NID2: variants seen among roughly 807,000 people sequenced by gnomAD.
NID2 encodes the protein nidogen 2.
NID2 carries 83 observed loss-of-function variants against 145.4 expected under a neutral mutation model. The observed-to-expected ratio is 0.57, with a 90% CI of 0.48 to 0.69. NID2 has a LOEUF of 0.69. NID2 is among the 30% of genes least tolerant of loss of function. The pLI, the probability that NID2 is intolerant of heterozygous loss-of-function variation, is 0.00. For missense variants in NID2, 1,807 were observed against 1,765.7 expected, an observed-to-expected ratio of 1.02 and a Z score of -0.42; for synonymous variants, 739 against 701.3, an observed-to-expected ratio of 1.05 and a Z score of -0.85.
intron 9 of NID2, among the ~76,000 whole-genome samples, chr14:52,031,014 C>A (rs1891846687): frequency 6.6e-6 from 1 of 152,168 alleles, no homozygotes; most frequent in South Asian, 2.1e-4. Context: ...GGCCAAATAA[C>A]CTGCCCAGGG....
At chr14:52,030,572 G>GA (rs1566755659) in intron 9 of NID2, among the ~76,000 whole-genome samples, 14 of 73,518 alleles carry the variant, frequency 1.9e-4, no homozygotes, top group African/African-American at 5.8e-4. Context: ...AAGAAAGGAA[G>GA]GAAGGGAAAG....
chr14:52,050,485 C>A (rs1402661378), intron 5 of NID2, among the ~76,000 whole-genome samples: 1 of 152,208 alleles, frequency 6.6e-6, no homozygotes, highest in Non-Finnish European at 1.5e-5. Flanking sequence ...TCTCTGTCAC[C>A]CTACAGCTTT....
Position 52,005,394 on chromosome 14 carries a change from T to A in NID2, c.*92A>T, listed in dbSNP as rs1890727505. The A allele has an allele frequency of 7.6e-7, 1 of 1,310,684 alleles. No homozygotes were observed. The allele number at this position is 1,310,684 out of a possible 1,614,324, so 81.2% of individuals were successfully genotyped here. On this transcript the variant is annotated 3_prime_UTR_variant, in exon 22 of 22. Coordinates refer to ENST00000216286, the MANE Select transcript of NID2 (RefSeq NM_007361.4). ...ATGCTCAGGAACGTCTAATGGCCAA[T>A]TCCTTTTTTACTTTCTTTGCCTTTG... is the stretch of plus-strand genomic sequence containing the variant.
At chr14:52,023,294 T>A (rs1303723459) in intron 12 of NID2, among the ~76,000 whole-genome samples, 1 of 151,618 alleles carries the variant, frequency 6.6e-6, no homozygotes, top group Non-Finnish European at 1.5e-5. Context: ...CTGGGCAACA[T>A]GATGAAACCC....
intron 9 of NID2, among the ~76,000 whole-genome samples, chr14:52,030,216 T>C (rs922595871): frequency 6.6e-6 from 1 of 152,202 alleles, no homozygotes; most frequent in African/African-American, 2.4e-5. Flanking sequence ...TTAAAAATCT[T>C]GTTTTTTAAA....
In NID2 at chr14:52,005,499, GT is replaced by G. The variant is rs1890736203; in HGVS notation, c.4118-4del. The G allele has an allele frequency of 2.5e-6, 4 of 1,598,576 alleles. No homozygotes were observed. Among genetic ancestry groups the G allele is most frequent in the African/African-American group, 2.7e-5 (2 of 74,038 alleles). ...ACATTACTGTACTTACTTTCTTCCT[GT>G]GAGAGAAGAGCAGGGGTGGGACAGG... On this transcript the variant is annotated splice_region_variant and splice_polypyrimidine_tract_variant and intron_variant, in intron 21 of 21. Transcript: ENST00000216286.
At chr14:52,061,729 C>T (rs951202836) in intron 2 of NID2, among the ~76,000 whole-genome samples, 1 of 152,152 alleles carries the variant, frequency 6.6e-6, no homozygotes, top group Non-Finnish European at 1.5e-5. Context: ...ATTCTGTTTA[C>T]CCTCATATTT....
At chr14:52,032,212 G>A (rs184637103) in intron 9 of NID2, among the ~76,000 whole-genome samples, 43 of 152,254 alleles carry the variant, frequency 2.8e-4, no homozygotes, top group Non-Finnish European at 4.3e-4. Context: ...GAATATTCCC[G>A]TATTATTGAT....
In NID2 at chr14:52,011,612, C is replaced by T. The variant is rs748304997; in HGVS notation, c.3492G>A (p.Arg1164=). 3.1e-6 allele frequency: 5 copies of T among 1,614,224 alleles called. No homozygotes were observed. The Admixed American group carries it at 6.7e-5, about 22-fold the overall frequency. ...GTTCCAGACCAGCACGGCTGATTGTCCGTCCAGCAACATCTGTCCAGTACA... is the reference window on the plus strand; with the variant it reads ...GTTCCAGACCAGCACGGCTGATTGTTCGTCCAGCAACATCTGTCCAGTACA... ...RMVYWTDVAG[R]TISRAGLELG... Residue 1164 remains arginine (R), a synonymous_variant, in exon 17 of 22, where the codon CGG becomes CGA. Transcript: ENST00000216286.
chr14:52,015,109 G>A lies in NID2; in HGVS notation c.3195C>T (p.Asp1065=), dbSNP rs1247416534. 1 of 1,614,114 alleles carries A rather than the reference G, an allele frequency of 6.2e-7. No homozygotes were observed. Among genetic ancestry groups the A allele is most frequent in the Admixed American group, 1.7e-5 (1 of 60,018 alleles). The change falls in exon 15 of 22, where the codon GAC becomes GAT. Residue 1065 remains aspartate, a synonymous_variant. Coordinates refer to ENST00000216286, the MANE Select transcript of NID2 (RefSeq NM_007361.4). The part of the protein sequence containing the change: ...HGKSDFCWCV[D]KDGREVQGTR... ...TGCCCTGCACCTCTCTGCCATCTTT[G>A]TCCACACACCAGCAGAAGTCGCTCT...
intron 9 of NID2, among the ~76,000 whole-genome samples, chr14:52,031,128 T>C (rs1891853784): frequency 6.6e-6 from 1 of 152,168 alleles, no homozygotes; most frequent in South Asian, 2.1e-4. Flanking sequence ...CTGAAGGAAC[T>C]TCATGAAGTT....
intron 5 of NID2, among the ~76,000 whole-genome samples, chr14:52,046,355 ATAT>A (rs1291484227): frequency 6.7e-6 from 1 of 149,402 alleles, no homozygotes; most frequent in Non-Finnish European, 1.5e-5. Context: ...CGTTTTCATA[ATAT>A]TCAGATAAAA....
chr14:52,063,364 T>C (rs1253914597), intron 2 of NID2, among the ~76,000 whole-genome samples: 1 of 152,026 alleles, frequency 6.6e-6, no homozygotes, highest in Non-Finnish European at 1.5e-5. Flanking sequence ...TCAGGGTGAG[T>C]GGCTGCAGGC....
intron 5 of NID2, among the ~76,000 whole-genome samples, chr14:52,044,362 C>A (rs989830677): frequency 1.3e-4 from 19 of 150,930 alleles, no homozygotes; most frequent in Middle Eastern, 3.2e-3. Context: ...CTCCACCTCC[C>A]AGGTTCACGC....
chr14:52,050,179 C>T (rs1355696091), intron 5 of NID2, among the ~76,000 whole-genome samples: 1 of 152,200 alleles, frequency 6.6e-6, no homozygotes, highest in Non-Finnish European at 1.5e-5. Flanking sequence ...AGACCCCTAT[C>T]AGTAAACCTC....
chr14:52,023,654 T>C (rs1891478947), intron 12 of NID2, among the ~76,000 whole-genome samples: 1 of 152,250 alleles, frequency 6.6e-6, no homozygotes, highest in African/African-American at 2.4e-5. Context: ...AATCTGCTTT[T>C]GCACCTGGCC....
At chr14:52,041,946 A>G (rs1892294045) in intron 7 of NID2, among the ~76,000 whole-genome samples, 159 bp downstream of exon 7, 1 of 152,236 alleles carries the variant, frequency 6.6e-6, no homozygotes, top group African/African-American at 2.4e-5. Context: ...AGGTCAAACC[A>G]TTCCCAACAA....
chr14:52,066,701 T>C (rs1893227591), intron 2 of NID2, among the ~76,000 whole-genome samples: 1 of 152,308 alleles, frequency 6.6e-6, no homozygotes, highest in Non-Finnish European at 1.5e-5. Context: ...ACAGGGGGCA[T>C]GTACCATCCT....
chr14:52,040,896 C>CT, intron 7 of NID2, 45 bp from the exon 8 acceptor site: 3 of 1,576,818 alleles, frequency 1.9e-6, no homozygotes, highest in Non-Finnish European at 2.6e-6. Flanking sequence ...AGAGGTCTTG[C>CT]TTAAACAGTT....
Sources: gnomAD v4.1 joint callset for allele counts (sites outside exome capture counted in the v4.1 genomes callset) on GRCh38, gnomAD v4.1.1 for gene constraint, MANE v1.5 for transcripts, NCBI Gene and HGNC (gene_info 2026-07-23, HGNC 2026-07-21) for gene names.